Variants in SAMMSON observed in about 807,000 individuals in gnomAD.
SAMMSON encodes survival associated mitochondrial melanoma specific oncogenic non-coding RNA, also known as long intergenic non-protein coding RNA 1212.
chr3:70,308,707 T>A (rs151084482), intron 7 of SAMMSON, among the ~76,000 whole-genome samples: 3 of 152,292 alleles, frequency 2.0e-5, no homozygotes, highest in Non-Finnish European at 4.4e-5. Context: ...TTACACCTTG[T>A]CTCTAGTCTC....
chr3:70,425,219 A>G (rs937461235), intron 2 of SAMMSON: 4 of 152,176 alleles, frequency 2.6e-5, no homozygotes, highest in Admixed American at 1.3e-4. Flanking sequence ...CAGCTTTTTC[A>G]TTTGTCGAAT....
intron 4 of SAMMSON, among the ~76,000 whole-genome samples, chr3:70,182,219 C>G (rs1191199971): frequency 6.6e-6 from 1 of 152,098 alleles, no homozygotes; most frequent in African/African-American, 2.4e-5. Context: ...AACCCCCGCC[C>G]CCACCTTCGA....
intron 4 of SAMMSON, among the ~76,000 whole-genome samples, chr3:70,230,129 A>T (rs1701544034): frequency 6.6e-6 from 1 of 152,254 alleles, no homozygotes; most frequent in African/African-American, 2.4e-5. Flanking sequence ...AGAATTAAAA[A>T]TGGTCAGGCC....
intron 7 of SAMMSON, among the ~76,000 whole-genome samples, chr3:70,300,509 A>G (rs185700966): frequency 6.6e-6 from 1 of 152,146 alleles, no homozygotes; most frequent in East Asian, 1.9e-4. Flanking sequence ...GTAGTTATAT[A>G]CATACATATA....
intron 7 of SAMMSON, among the ~76,000 whole-genome samples, chr3:70,345,286 A>G (rs979765222): frequency 6.6e-6 from 1 of 152,162 alleles, no homozygotes; most frequent in Non-Finnish European, 1.5e-5. Context: ...CCATATTCCC[A>G]TAGGAACTAA....
chr3:70,216,692 T>A (rs897227459), intron 4 of SAMMSON, among the ~76,000 whole-genome samples: 1 of 152,096 alleles, frequency 6.6e-6, no homozygotes, highest in Non-Finnish European at 1.5e-5. Context: ...TTGAAAAACA[T>A]ACTCAGGTCT....
intron 4 of SAMMSON, among the ~76,000 whole-genome samples, chr3:70,180,616 C>G (rs1422908406): frequency 6.6e-6 from 1 of 152,064 alleles, no homozygotes; most frequent in African/African-American, 2.4e-5. Flanking sequence ...CCCAATCAAG[C>G]AAATGTTCAA....
intron 4 of SAMMSON, among the ~76,000 whole-genome samples, chr3:70,150,881 T>C (rs2067568584): frequency 6.6e-6 from 1 of 151,928 alleles, no homozygotes; most frequent in Non-Finnish European, 1.5e-5. Flanking sequence ...ATAACAAATA[T>C]CCAGGAACAC....
chr3:70,139,465 T>G (rs2067518935), intron 4 of SAMMSON, among the ~76,000 whole-genome samples: 2 of 152,186 alleles, frequency 1.3e-5, no homozygotes, highest in Non-Finnish European at 2.9e-5. Context: ...CCCATGGCCT[T>G]GCTGGGCATT....
chr3:70,281,554 C>T (rs2106682256), intron 6 of SAMMSON, among the ~76,000 whole-genome samples: 1 of 152,178 alleles, frequency 6.6e-6, no homozygotes, highest in African/African-American at 2.4e-5. Flanking sequence ...GTGTCTAGCA[C>T]AGGGTAAAAG....
intron 4 of SAMMSON, among the ~76,000 whole-genome samples, chr3:70,158,371 A>T (rs2067600511): frequency 6.6e-6 from 1 of 152,088 alleles, no homozygotes; most frequent in Non-Finnish European, 1.5e-5. Flanking sequence ...CAGTGCTCTA[A>T]CATGTGTCTA....
chr3:70,033,394 G>C (rs1450401475), intron 3 of SAMMSON, among the ~76,000 whole-genome samples: 3 of 152,064 alleles, frequency 2.0e-5, no homozygotes, highest in Non-Finnish European at 4.4e-5. Context: ...TGTTCATGGT[G>C]TATGTGGGCA....
At chr3:70,092,992 C>T (rs1357792449) in intron 4 of SAMMSON, among the ~76,000 whole-genome samples, 1 of 150,038 alleles carries the variant, frequency 6.7e-6, no homozygotes, top group Non-Finnish European at 1.5e-5. Flanking sequence ...AGGGGGCTCT[C>T]CTGGGATGGG....
intron 1 of SAMMSON, among the ~76,000 whole-genome samples, chr3:70,000,470 CTG>C (rs1290781862): frequency 1.3e-5 from 2 of 152,144 alleles, no homozygotes; most frequent in Non-Finnish European, 2.9e-5. Flanking sequence ...CATTTTGTAT[CTG>C]TGTTCAAGAT....
chr3:70,042,084 G>C (rs558458257), intron 3 of SAMMSON, among the ~76,000 whole-genome samples: 2 of 152,080 alleles, frequency 1.3e-5, no homozygotes, highest in African/African-American at 4.8e-5. Context: ...AAAGGATGAC[G>C]ATCAGTGTCA....
intron 4 of SAMMSON, among the ~76,000 whole-genome samples, chr3:70,080,853 A>G (rs1559787085): frequency 6.6e-6 from 1 of 152,154 alleles, no homozygotes; most frequent in Non-Finnish European, 1.5e-5. Context: ...GATCCAGCTG[A>G]TAACCTTTGA....
chr3:70,344,676 GGCCAGA>G (rs1702737356), intron 7 of SAMMSON, among the ~76,000 whole-genome samples: 1 of 152,156 alleles, frequency 6.6e-6, no homozygotes, highest in African/African-American at 2.4e-5. Context: ...GCTGCCATGG[GGCCAGA>G]GCCAAGGGCA....
chr3:70,356,245 A>G (rs1702828511), intron 8 of SAMMSON, among the ~76,000 whole-genome samples: 1 of 152,154 alleles, frequency 6.6e-6, no homozygotes, highest in Non-Finnish European at 1.5e-5. Flanking sequence ...TTCATTTCAG[A>G]AAACTTAGAA....
intron 9 of SAMMSON, among the ~76,000 whole-genome samples, chr3:70,374,934 AC>A (rs1182775586): frequency 2.0e-5 from 3 of 151,922 alleles, no homozygotes; most frequent in African/African-American, 7.3e-5. Context: ...ATTCATCTTA[AC>A]CCTTCAACAT....
Sources: gnomAD v4.1 joint callset for allele counts (sites outside exome capture counted in the v4.1 genomes callset) on GRCh38, gnomAD v4.1.1 for gene constraint, MANE v1.5 for transcripts, NCBI Gene and HGNC (gene_info 2026-07-23, HGNC 2026-07-21) for gene names.